Variants in PKD2 observed in about 807,000 individuals in gnomAD.
PKD2 encodes polycystin-2.
PKD2 carries 48 observed loss-of-function variants against 105.9 expected under a neutral mutation model. That is an observed-to-expected ratio of 0.45 (90% CI 0.36 to 0.58). PKD2 has a LOEUF of 0.58. PKD2 is among the 20% of genes least tolerant of loss of function. The pLI is 0.00. For missense variants in PKD2, 1,078 were observed against 1,255.3 expected, an observed-to-expected ratio of 0.86 and a Z score of 2.13; for synonymous variants, 464 against 481.1, an observed-to-expected ratio of 0.96 and a Z score of 0.46.
rs767798169 is a variant in PKD2 at position 88,065,773 on chromosome 4, C to G, written c.2252C>G (p.Thr751Ser). The G allele has an allele frequency of 5.0e-6, 8 of 1,609,240 alleles. No homozygotes were observed. In the Admixed American group the frequency reaches 1.3e-4, roughly 27 times the overall value. The part of the protein sequence containing the change: ...LRQDLKGKGH[T>S]DAEIEAIFTK... ...CTCTCTAATTTCAGGAAGGGCCATA[C>G]TGATGCAGAGATTGAGGCAATATTC... is the stretch of plus-strand genomic sequence containing the variant. Residue 751 changes from threonine (T) to serine (S), a missense_variant, in exon 12 of 15, where the codon ACT becomes AGT. Around this residue, in one of 2 missense-constraint regions of PKD2, gnomAD observed 868 missense variants for 1,067.3 expected, o/e 0.81. Coordinates refer to ENST00000237596, the MANE Select transcript of PKD2 (RefSeq NM_000297.4).
At chr4:88,012,699 GTACTCA>G (rs1726427480) in intron 1 of PKD2, among the ~76,000 whole-genome samples, 1 of 152,004 alleles carries the variant, frequency 6.6e-6, no homozygotes, top group African/African-American at 2.4e-5. Flanking sequence ...CAGAAACTCT[GTACTCA>G]TTAAACAGTA....
chr4:88,022,389 C>A (rs920723314), intron 2 of PKD2, among the ~76,000 whole-genome samples: 26 of 152,216 alleles, frequency 1.7e-4, no homozygotes, highest in African/African-American at 6.0e-4. Context: ...TTAATCAAGG[C>A]TCTTTGGTTG....
intron 9 of PKD2, 53 bp downstream of exon 9, chr4:88,058,156 G>T: frequency 8.8e-7 from 1 of 1,137,198 alleles, no homozygotes. Context: ...GTAAATCCTT[G>T]TCTTCTCTTT....
rs530444554 is a variant in PKD2 at position 88,007,708 on chromosome 4, C to A, written c.-26C>A. ...CAGCGCCGAGCGCGGCGCCGCGCAC[C>A]CGCGCGCCGGACGCCAGTGACCGCG... On this transcript the variant is annotated 5_prime_UTR_variant, in exon 1 of 15. Coordinates refer to ENST00000237596, the MANE Select transcript of PKD2 (RefSeq NM_000297.4). The A allele has an allele frequency of 8.5e-7, 1 of 1,180,378 alleles. No homozygotes were observed. 73.1% of individuals were successfully genotyped at this position (1,180,378 alleles called of 1,614,324 possible).
chr4:88,020,465 G>T (rs1726709261), intron 2 of PKD2, among the ~76,000 whole-genome samples: 1 of 151,896 alleles, frequency 6.6e-6, no homozygotes, highest in Admixed American at 6.6e-5. Flanking sequence ...CCCATCCTCT[G>T]GTAGGGGGAG....
At chr4:88,066,895 G>C (rs1720816402) in intron 12 of PKD2, among the ~76,000 whole-genome samples, 1 of 152,106 alleles carries the variant, frequency 6.6e-6, no homozygotes, top group Admixed American at 6.6e-5. Context: ...CTAGGACAGT[G>C]GTTTCTAAAT....
chr4:88,070,296 A>G (rs574252168), intron 13 of PKD2, among the ~76,000 whole-genome samples: 7 of 151,910 alleles, frequency 4.6e-5, no homozygotes, highest in Admixed American at 4.6e-4. Context: ...TTTTACTGTG[A>G]TATGTCTGGG....
intron 10 of PKD2, among the ~76,000 whole-genome samples, chr4:88,063,886 G>C (rs377128834): frequency 6.6e-5 from 10 of 151,106 alleles, no homozygotes; most frequent in African/African-American, 2.4e-4. Context: ...TGGACATGGT[G>C]GCTTACTCCT....
intron 13 of PKD2, among the ~76,000 whole-genome samples, chr4:88,068,970 G>T (rs879851285): frequency 2.0e-5 from 3 of 152,024 alleles, no homozygotes; most frequent in Admixed American, 2.0e-4. Flanking sequence ...CTAATATATT[G>T]ACCCTATTTT....
intron 1 of PKD2, among the ~76,000 whole-genome samples, chr4:88,008,801 G>A (rs890549370): frequency 8.5e-5 from 13 of 152,206 alleles, no homozygotes; most frequent in African/African-American, 2.9e-4. Flanking sequence ...AAGGGTAGCA[G>A]TACAGTGCAT....
intron 1 of PKD2, among the ~76,000 whole-genome samples, chr4:88,008,985 C>G (rs1726297826): frequency 6.6e-6 from 1 of 152,072 alleles, no homozygotes; most frequent in African/African-American, 2.4e-5. Flanking sequence ...AAAACAGTTG[C>G]AAAGGAAAGA....
chr4:88,070,574 T>TA (rs1364196560), intron 13 of PKD2, among the ~76,000 whole-genome samples: 1 of 113,920 alleles, frequency 8.8e-6, no homozygotes, highest in Non-Finnish European at 1.7e-5. Flanking sequence ...TTTATTTATT[T>TA]TATATATATA....
intron 13 of PKD2, among the ~76,000 whole-genome samples, chr4:88,074,089 G>C (rs1467808372): frequency 6.6e-6 from 1 of 151,986 alleles, no homozygotes; most frequent in Non-Finnish European, 1.5e-5. Context: ...GAATTTTATT[G>C]TATGGATGAA....
chr4:88,047,796 G>T (rs1727832168), intron 6 of PKD2, among the ~76,000 whole-genome samples: 1 of 151,842 alleles, frequency 6.6e-6, no homozygotes, highest in South Asian at 2.1e-4. Context: ...TCAGGAGTTT[G>T]ATACCAGCCT....
chr4:88,064,418 CT>C (rs1385288042), intron 10 of PKD2, among the ~76,000 whole-genome samples: 3 of 152,020 alleles, frequency 2.0e-5, no homozygotes, highest in East Asian at 3.9e-4. Flanking sequence ...TTTAAGCTCC[CT>C]ATACATTTAT....
rs1300625882 is a variant in PKD2 at position 88,075,617 on chromosome 4, T to C, written c.2830T>C (p.Ser944Pro). The C allele has an allele frequency of 1.2e-6, 2 of 1,613,956 alleles. No individual in the cohort carries two copies. The highest frequency in any genetic ancestry group is 1.7e-6 in the Non-Finnish European group (2 of 1,180,002). ...GLNGQPRPRS[S>P]RPSSSQSTEG... ...AAATGGTCAACCTCGCCCCAGAAGC[T>C]CCCGCCCATCTTCCTCCCAATCTAC... The change falls in exon 15 of 15, where the codon TCC becomes CCC. Residue 944 changes from serine (S) to proline (P), a missense_variant. Around this residue, in one of 2 missense-constraint regions of PKD2, gnomAD observed 868 missense variants for 1,067.3 expected, o/e 0.81. Coordinates refer to ENST00000237596, the MANE Select transcript of PKD2 (RefSeq NM_000297.4).
chr4:88,045,648 A>G (rs554684969), intron 5 of PKD2, among the ~76,000 whole-genome samples: 1 of 152,218 alleles, frequency 6.6e-6, no homozygotes, highest in East Asian at 1.9e-4. Flanking sequence ...TGTGACACCT[A>G]CAAAATGGGC....
chr4:88,013,059 A>G (rs1476666969), intron 1 of PKD2, among the ~76,000 whole-genome samples: 3 of 151,946 alleles, frequency 2.0e-5, no homozygotes, highest in Admixed American at 2.0e-4. Context: ...GTTTTTTTCC[A>G]CCTTTCGACT....
At chr4:88,026,977 A>C (rs574497552) in intron 2 of PKD2, among the ~76,000 whole-genome samples, 33 of 152,314 alleles carry the variant, frequency 2.2e-4, no homozygotes, top group African/African-American at 7.5e-4. Context: ...ATTTCAGAGG[A>C]TGTATGGAAA....
Sources: allele counts gnomAD v4.1 joint callset (sites outside exome capture counted in the v4.1 genomes callset), GRCh38; gene constraint gnomAD v4.1.1; regional missense constraint gnomAD v4.1.1; transcripts MANE v1.5; gene names NCBI Gene and HGNC (gene_info 2026-07-23, HGNC 2026-07-21).